Variants in SIDT1 observed in about 807,000 individuals in gnomAD.
SIDT1 encodes SID1 transmembrane family member 1.
SIDT1 carries 101 observed loss-of-function variants against 107.5 expected under a neutral mutation model. That is an observed-to-expected ratio of 0.94 (90% CI 0.80 to 1.11). The LOEUF (loss-of-function observed/expected upper bound fraction) is 1.11. Ranked by LOEUF, SIDT1 falls within the 50% of genes least tolerant of loss-of-function variation. The pLI is 0.00. For missense variants in SIDT1, 1,076 were observed against 1,058.2 expected (o/e 1.02, Z -0.23); for synonymous variants, 395 against 398.2 (o/e 0.99, Z 0.10).
At position 113,600,639 on chromosome 3, in the gene SIDT1, T is replaced by A. The variant is rs114773569; in HGVS notation, c.1046-949T>A. ...AGCTCTATGCTGTAACTATGGCCAA[T>A]TCTGTTCTAAGTCAAAAAGAGTCAG... On this transcript the variant is annotated intron_variant, in intron 10 of 24. Transcript: ENST00000264852. Among the ~76,000 whole-genome samples the A allele has an allele frequency of 8.3e-3, 1,270 of 152,324 alleles. 15 individuals are homozygous for A. The highest frequency in any genetic ancestry group is 0.028 in the African/African-American group (1,146 of 41,572).
chr3:113,605,318 GT>G (rs1163768575), intron 14 of SIDT1, among the ~76,000 whole-genome samples: 1 of 151,786 alleles, frequency 6.6e-6, no homozygotes, highest in African/African-American at 2.4e-5. Flanking sequence ...TAGAGGTGGG[GT>G]TTCACCATGT....
In SIDT1 at chr3:113,533,054, C is replaced by A; in HGVS notation, c.33C>A (p.Cys11Ter). The A allele has an allele frequency of 5.5e-6, 8 of 1,455,144 alleles. No individual in the cohort carries two copies. The highest frequency in any genetic ancestry group is 1.8e-4 in the Middle Eastern group (1 of 5,570). The allele number at this position is 1,455,144 out of a possible 1,614,324, so 90.1% of individuals were successfully genotyped here. The change falls in exon 1 of 25, where the codon TGC becomes TGA. Residue 11 changes from cysteine to a stop codon, truncating the protein, a stop_gained. Coordinates refer to ENST00000264852, the MANE Select transcript of SIDT1 (RefSeq NM_017699.3). LOFTEE classifies it high-confidence loss of function. ...GCTGCCTGCGGCTCGCGCTGCTCTG[C>A]GCGCTGCCCTGGCTCCTGCTGGCGG... is the stretch of plus-strand genomic sequence containing the variant. MRGCLRLALL[C>*]ALPWLLLAAS... is the part of the protein sequence containing the mutation.
chr3:113,624,238 A>ATG (rs1364766928), intron 23 of SIDT1, among the ~76,000 whole-genome samples: 2 of 152,182 alleles, frequency 1.3e-5, no homozygotes, highest in Non-Finnish European at 2.9e-5. Context: ...GAAACCTCAT[A>ATG]TGCATCAGCA....
At chr3:113,593,470 C>G (rs533350882) in intron 10 of SIDT1, among the ~76,000 whole-genome samples, 2 of 152,190 alleles carry the variant, frequency 1.3e-5, no homozygotes, top group Non-Finnish European at 2.9e-5. Context: ...TCCCCACCCC[C>G]GTCTGTGGAA....
In SIDT1 at chr3:113,623,192, T is replaced by TAAA. The variant is rs61454117; in HGVS notation, c.2091-208_2091-206dup. Among the ~76,000 whole-genome samples the TAAA allele has an allele frequency of 9.3e-4, 50 of 53,856 alleles. 1 individual carries two copies. The highest frequency in any genetic ancestry group is 3.8e-3 in the African/African-American group (47 of 12,362). The allele number at this position is 53,856 out of a possible 152,430, so 35.3% of individuals were successfully genotyped here. ...AGTGAGGGAATGAGACCCCAACTCT[T>TAAA]AAAAAAAAAAAAAAAAAAAAAAAAA... is the stretch of plus-strand genomic sequence containing the variant. On this transcript the variant is annotated intron_variant, in intron 21 of 24. Coordinates refer to ENST00000264852, the MANE Select transcript of SIDT1 (RefSeq NM_017699.3).
chr3:113,614,868 C>T (rs1012023098), intron 19 of SIDT1, among the ~76,000 whole-genome samples: 3 of 152,154 alleles, frequency 2.0e-5, no homozygotes, highest in Admixed American at 2.0e-4. Context: ...GATTTGAAGA[C>T]TTCTGAATGT....
chr3:113,535,234 A>C (rs150225667), intron 1 of SIDT1, among the ~76,000 whole-genome samples: 46 of 152,290 alleles, frequency 3.0e-4, no homozygotes, highest in Non-Finnish European at 5.6e-4. Context: ...AGCTCTTGCC[A>C]CTGTACTCCC....
At chr3:113,569,138 C>CTAAAA (rs1942211458) in intron 3 of SIDT1, among the ~76,000 whole-genome samples, 1 of 55,488 alleles carries the variant, frequency 1.8e-5, no homozygotes, top group South Asian at 7.7e-4. Context: ...GACTCCCTCT[C>CTAAAA]AAAAAAAAAA....
At chr3:113,608,596 C>T in intron 17 of SIDT1, 60 bp downstream of exon 17, 2 of 1,258,220 alleles carry the variant, frequency 1.6e-6, no homozygotes, top group Admixed American at 1.7e-5. Context: ...CTGGAACCCT[C>T]CCCAAAAATG....
chr3:113,553,637 A>T (rs951081554), intron 1 of SIDT1, among the ~76,000 whole-genome samples: 26 of 152,256 alleles, frequency 1.7e-4, no homozygotes, highest in African/African-American at 6.3e-4. Context: ...AATCATGCAC[A>T]GAAGATGAGC....
intron 4 of SIDT1, among the ~76,000 whole-genome samples, chr3:113,579,313 T>C (rs1197082709): frequency 5.9e-5 from 9 of 152,204 alleles, no homozygotes; most frequent in Admixed American, 5.9e-4. Flanking sequence ...GTTTACTGCT[T>C]GCACAAAACC....
chr3:113,623,217 A>G (rs1946588454), intron 21 of SIDT1, among the ~76,000 whole-genome samples: 1 of 145,418 alleles, frequency 6.9e-6, no homozygotes, highest in African/African-American at 2.5e-5. Context: ...AAAAAAAAAA[A>G]AAAAGATACT....
At chr3:113,598,368 G>A (rs866929316) in intron 10 of SIDT1, among the ~76,000 whole-genome samples, 1 of 152,052 alleles carries the variant, frequency 6.6e-6, no homozygotes, top group African/African-American at 2.4e-5. Flanking sequence ...TTTTTCTTTT[G>A]ATTACACACA....
At chr3:113,544,199 GT>G (rs1939296058) in intron 1 of SIDT1, among the ~76,000 whole-genome samples, 1 of 101,874 alleles carries the variant, frequency 9.8e-6, no homozygotes, top group Non-Finnish European at 1.9e-5. Flanking sequence ...TTGTTTGTTT[GT>G]TTGTTTGTTT....
At chr3:113,558,891 A>G (rs1455268137) in intron 1 of SIDT1, among the ~76,000 whole-genome samples, 1 of 152,252 alleles carries the variant, frequency 6.6e-6, no homozygotes, top group Non-Finnish European at 1.5e-5. Context: ...TACAAATAAA[A>G]ATACTGTATT....
At chr3:113,553,390 C>T (rs918456535) in intron 1 of SIDT1, among the ~76,000 whole-genome samples, 1 of 152,116 alleles carries the variant, frequency 6.6e-6, no homozygotes, top group Non-Finnish European at 1.5e-5. Context: ...ACAACACTTA[C>T]AATCATAACA....
At chr3:113,557,706 A>G (rs1576755229) in intron 1 of SIDT1, among the ~76,000 whole-genome samples, 1 of 152,292 alleles carries the variant, frequency 6.6e-6, no homozygotes, top group East Asian at 1.9e-4. Context: ...TTGATTCCAG[A>G]CTTCTAGTCT....
downstream of SIDT1, among the ~76,000 whole-genome samples, chr3:113,631,297 G>A (rs1250305300): frequency 6.6e-6 from 1 of 152,094 alleles, no homozygotes; most frequent in East Asian, 1.9e-4. Flanking sequence ...TGTAGGGCAA[G>A]CTTGCATCTT....
At chr3:113,620,078 AGAT>A (rs1179432150) in intron 21 of SIDT1, among the ~76,000 whole-genome samples, 9 of 151,978 alleles carry the variant, frequency 5.9e-5, no homozygotes, top group Non-Finnish European at 7.4e-5. Context: ...ATAGATAGAT[AGAT>A]AATTATACCA....
Sources: gnomAD v4.1 joint callset for allele counts (sites outside exome capture counted in the v4.1 genomes callset) on GRCh38, gnomAD v4.1.1 for gene constraint, MANE v1.5 for transcripts, NCBI Gene and HGNC (gene_info 2026-07-23, HGNC 2026-07-21) for gene names.